Variants in MGAT5 observed in about 807,000 individuals in gnomAD.
MGAT5 encodes alpha-1,6-mannosylglycoprotein 6-beta-N-acetylglucosaminyltransferase A.
Under a neutral mutation model 94.3 loss-of-function variants are expected in MGAT5, and 30 were observed. The ratio of observed to expected loss-of-function variants is 0.32; its 90% CI spans 0.24 to 0.43. The LOEUF is 0.43. MGAT5 is among the 20% of genes least tolerant of loss of function. The pLI, the probability that MGAT5 is intolerant of heterozygous loss-of-function variation, is 1.00. For synonymous variants in MGAT5, 310 were observed against 322.9 expected, an observed-to-expected ratio of 0.96 and a Z score of 0.43; for missense variants, 691 against 905.5, an observed-to-expected ratio of 0.76 and a Z score of 3.04.
chr2:134,132,103 G>A (rs1479831446), intron 1 of MGAT5, among the ~76,000 whole-genome samples: 4 of 152,224 alleles, frequency 2.6e-5, no homozygotes, highest in Admixed American at 1.3e-4. Context: ...TGCACAGCTC[G>A]TATCAGATGT....
chr2:134,448,781 C>A lies in MGAT5; in HGVS notation c.2160C>A (p.His720Gln), dbSNP rs1326101285. The stretch of plus-strand genomic sequence containing the variant: ...GCTGTGCAGGCGCCCACCCCAGGCA[C>A]CAGAGGGTCTGCCCCTGCCGGGACT... The part of the protein sequence containing the change: ...LFSCAGAHPR[H>Q]QRVCPCRDFI... Residue 720 changes from histidine (H) to glutamine (Q), a missense_variant, in exon 16 of 16, where the codon CAC becomes CAA. Coordinates refer to ENST00000281923, the MANE Select transcript of MGAT5 (RefSeq NM_002410.5). The A allele has an allele frequency of 6.2e-7, 1 of 1,614,222 alleles. No homozygotes were observed. The highest frequency in any genetic ancestry group is 1.3e-5 in the African/African-American group (1 of 75,062).
At chr2:134,180,179 C>T (rs747999389) in intron 1 of MGAT5, among the ~76,000 whole-genome samples, 1 of 152,230 alleles carries the variant, frequency 6.6e-6, no homozygotes, top group Non-Finnish European at 1.5e-5. Context: ...TATACTCAGT[C>T]CAGCAGCCCA....
chr2:134,384,355 G>T (rs1285113666), intron 10 of MGAT5, among the ~76,000 whole-genome samples: 1 of 152,008 alleles, frequency 6.6e-6, no homozygotes, highest in Non-Finnish European at 1.5e-5. Flanking sequence ...TTTGATTGAG[G>T]GTTTGTTTGG....
intron 1 of MGAT5, among the ~76,000 whole-genome samples, chr2:134,199,655 C>T (rs865905969): frequency 7.9e-5 from 12 of 152,026 alleles, no homozygotes; most frequent in African/African-American, 2.9e-4. Flanking sequence ...TGATTTTTTT[C>T]TCTGACTTTT....
chr2:134,367,645 C>T (rs1680518635), intron 10 of MGAT5, among the ~76,000 whole-genome samples: 2 of 152,186 alleles, frequency 1.3e-5, no homozygotes, highest in Admixed American at 1.3e-4. Flanking sequence ...GCCAACAGTC[C>T]CTGGCATTGA....
chr2:134,252,699 A>G (rs1411946561), upstream of MGAT5, among the ~76,000 whole-genome samples: 1 of 152,234 alleles, frequency 6.6e-6, no homozygotes. Context: ...AGAGGTAGAT[A>G]GTAAATATTT....
intron 1 of MGAT5, among the ~76,000 whole-genome samples, chr2:134,151,195 C>T (rs1157314648): frequency 6.6e-6 from 1 of 151,190 alleles, no homozygotes; most frequent in Non-Finnish European, 1.5e-5. Flanking sequence ...GGACCTCACT[C>T]ACGCCCTATG....
intron 11 of MGAT5, among the ~76,000 whole-genome samples, chr2:134,406,690 GC>G (rs1465586685): frequency 6.6e-6 from 1 of 151,072 alleles, no homozygotes; most frequent in African/African-American, 2.4e-5. Flanking sequence ...TTCAAGACCA[GC>G]CTGGGCAACA....
At chr2:134,403,336 T>C (rs1272903780) in intron 11 of MGAT5, among the ~76,000 whole-genome samples, 199 bp downstream of exon 11, 1 of 152,202 alleles carries the variant, frequency 6.6e-6, no homozygotes, top group Non-Finnish European at 1.5e-5. Flanking sequence ...ATTGATTTAT[T>C]CAAAAATCGT....
chr2:134,302,160 G>A (rs1390305129), intron 2 of MGAT5, among the ~76,000 whole-genome samples: 1 of 152,122 alleles, frequency 6.6e-6, no homozygotes, highest in Non-Finnish European at 1.5e-5. Flanking sequence ...GTAAATGATT[G>A]GCTTGGGCAT....
intron 1 of MGAT5, among the ~76,000 whole-genome samples, chr2:134,237,538 TAGCTGACTAGC>T (rs11269983): frequency 0.025 from 3,865 of 151,944 alleles, 135 homozygotes; most frequent in African/African-American, 0.087. Flanking sequence ...CATTTGAAAA[TAGCTGACTAGC>T]AGAGTTTCCT....
intron 1 of MGAT5, among the ~76,000 whole-genome samples, chr2:134,141,124 G>A (rs114390689): frequency 0.01 from 1,580 of 152,292 alleles, 12 homozygotes; most frequent in Non-Finnish European, 0.017. Flanking sequence ...CTGATAGAAA[G>A]GATGTGTTCA....
chr2:134,162,855 C>T (rs1426144332), intron 1 of MGAT5, among the ~76,000 whole-genome samples: 1 of 152,106 alleles, frequency 6.6e-6, no homozygotes, highest in Non-Finnish European at 1.5e-5. Context: ...AAGATGAAAC[C>T]GAGGTTTAGA....
At chr2:134,176,411 A>C (rs1688466931) in intron 1 of MGAT5, among the ~76,000 whole-genome samples, 1 of 151,956 alleles carries the variant, frequency 6.6e-6, no homozygotes, top group Admixed American at 6.6e-5. Flanking sequence ...TTCTCTGTTA[A>C]AAATACAAAA....
chr2:134,267,967 T>C (rs1440128672), intron 1 of MGAT5, among the ~76,000 whole-genome samples: 1 of 152,262 alleles, frequency 6.6e-6, no homozygotes, highest in Non-Finnish European at 1.5e-5. Flanking sequence ...AGAATGCACC[T>C]AATTCAGCGG....
At chr2:134,322,575 C>A (rs1355989848) in intron 4 of MGAT5, among the ~76,000 whole-genome samples, 1 of 152,150 alleles carries the variant, frequency 6.6e-6, no homozygotes, top group African/African-American at 2.4e-5. Context: ...CGTATGGACC[C>A]AGTGCACCCT....
intron 14 of MGAT5, among the ~76,000 whole-genome samples, chr2:134,438,191 T>C (rs756410645): frequency 1.3e-5 from 2 of 152,160 alleles, no homozygotes; most frequent in Non-Finnish European, 2.9e-5. Context: ...AAAAATTACC[T>C]TTAGCCTCCA....
At chr2:134,166,336 C>G (rs1022112189) in intron 1 of MGAT5, among the ~76,000 whole-genome samples, 1 of 152,220 alleles carries the variant, frequency 6.6e-6, no homozygotes, top group Non-Finnish European at 1.5e-5. Context: ...ATAGTGCAGT[C>G]TTCAGAATTC....
Position 134,185,432 on chromosome 2 carries a change from C to T in MGAT5, c.-143+65141C>T, listed in dbSNP as rs1688958249. Among the ~76,000 whole-genome samples the T allele has an allele frequency of 2.0e-5, 3 of 152,170 alleles. No homozygotes were observed. In the South Asian group the frequency reaches 6.2e-4, roughly 32 times the overall value. On this transcript the variant is annotated intron_variant, in intron 1 of 16. Coordinates refer to the MGAT5 transcript ENST00000409645. ...CTGATTACTTTGCTGATTGCTGATG[C>T]AGGAAAACATCAGTAAAAAAGAAAC...
Sources: gnomAD v4.1 joint callset for allele counts (sites outside exome capture counted in the v4.1 genomes callset) on GRCh38, gnomAD v4.1.1 for gene constraint, MANE v1.5 for transcripts, NCBI Gene and HGNC (gene_info 2026-07-23, HGNC 2026-07-21) for gene names.